THSD7B: variants seen among roughly 807,000 people sequenced by gnomAD.
The protein encoded by THSD7B is thrombospondin type-1 domain-containing protein 7B.
In THSD7B, 138 loss-of-function variants were observed where a neutral mutation model predicts 213.6. The observed-to-expected ratio is 0.65, with a 90% CI of 0.56 to 0.74. The LOEUF is 0.74. Ranked by LOEUF, THSD7B falls within the 30% of genes least tolerant of loss-of-function variation. THSD7B has a pLI of 0.00. For synonymous variants in THSD7B, 742 were observed against 687.0 expected (o/e 1.08, Z -1.25); for missense variants, 1,931 against 1,991.5 (o/e 0.97, Z 0.58).
intron 1 of THSD7B, among the ~76,000 whole-genome samples, chr2:136,835,529 A>G (rs2104950969): frequency 6.6e-6 from 1 of 152,326 alleles, no homozygotes; most frequent in East Asian, 1.9e-4. Flanking sequence ...CTTTTGCCTC[A>G]TGCATGTCAG....
chr2:137,158,240 C>T (rs879563706), intron 5 of THSD7B, among the ~76,000 whole-genome samples: 4 of 152,168 alleles, frequency 2.6e-5, no homozygotes, highest in Non-Finnish European at 5.9e-5. Context: ...ACCCCTTCCC[C>T]ATCTCTTGGG....
At chr2:137,381,948 G>A (rs1212573363) in intron 12 of THSD7B, among the ~76,000 whole-genome samples, 2 of 152,152 alleles carry the variant, frequency 1.3e-5, no homozygotes, top group Non-Finnish European at 2.9e-5. Flanking sequence ...TGAAATGAGC[G>A]ATCCACTGGT....
chr2:137,551,415 A>G (rs1680845988), intron 15 of THSD7B, among the ~76,000 whole-genome samples: 1 of 152,142 alleles, frequency 6.6e-6, no homozygotes, highest in African/African-American at 2.4e-5. Context: ...TCATTTGACA[A>G]GAGATGGCAC....
At chr2:136,776,737 A>C (rs1248747977) in intron 1 of THSD7B, among the ~76,000 whole-genome samples, 1 of 152,206 alleles carries the variant, frequency 6.6e-6, no homozygotes, top group African/African-American at 2.4e-5. Context: ...GAGAGGTTCA[A>C]AATAGTATGA....
chr2:137,256,776 C>A (rs1682320507), intron 10 of THSD7B, among the ~76,000 whole-genome samples: 1 of 152,102 alleles, frequency 6.6e-6, no homozygotes, highest in Non-Finnish European at 1.5e-5. Context: ...ATTCAATTAT[C>A]TGGGCAAGAA....
At chr2:137,213,017 G>A (rs1681151631) in intron 7 of THSD7B, among the ~76,000 whole-genome samples, 1 of 132,732 alleles carries the variant, frequency 7.5e-6, no homozygotes, top group South Asian at 2.6e-4. Context: ...TGCATAAGGT[G>A]ATATCTGTAT....
At chr2:137,579,536 G>GCACACA (rs1162131714) in intron 17 of THSD7B, among the ~76,000 whole-genome samples, 4 of 122,694 alleles carry the variant, frequency 3.3e-5, no homozygotes, top group African/African-American at 1.3e-4. Flanking sequence ...ACACGCGCGT[G>GCACACA]CGCACACACA....
chr2:137,164,172 G>A (rs988839383), intron 6 of THSD7B, among the ~76,000 whole-genome samples: 2 of 152,118 alleles, frequency 1.3e-5, no homozygotes, highest in African/African-American at 4.8e-5. Flanking sequence ...GGGAGGGCAG[G>A]AGGTTGTGCT....
intron 2 of THSD7B, among the ~76,000 whole-genome samples, chr2:137,049,358 C>CA (rs1186849660): frequency 1.3e-5 from 2 of 152,124 alleles, no homozygotes; most frequent in South Asian, 4.2e-4. Flanking sequence ...AATTAAATTG[C>CA]AATTGTTGTG....
At chr2:137,331,886 C>T (rs1353065650) in intron 12 of THSD7B, among the ~76,000 whole-genome samples, 1 of 152,126 alleles carries the variant, frequency 6.6e-6, no homozygotes, top group Non-Finnish European at 1.5e-5. Context: ...CCGGCGGGGC[C>T]GGCCGGCTGC....
intron 3 of THSD7B, among the ~76,000 whole-genome samples, chr2:137,083,832 T>C (rs1449667035): frequency 6.6e-6 from 1 of 152,146 alleles, no homozygotes; most frequent in African/African-American, 2.4e-5. Flanking sequence ...TGCTGCCATA[T>C]GGATAGCACT....
chr2:137,123,009 C>T (rs930617873), intron 5 of THSD7B, among the ~76,000 whole-genome samples: 3 of 152,120 alleles, frequency 2.0e-5, no homozygotes, highest in Non-Finnish European at 4.4e-5. Flanking sequence ...CTCATCTTCC[C>T]AGCACTGGGC....
At chr2:137,645,033 T>C (rs1258309106) in intron 21 of THSD7B, among the ~76,000 whole-genome samples, 1 of 152,134 alleles carries the variant, frequency 6.6e-6, no homozygotes. Context: ...GATTCTGGAG[T>C]CTAGCAGCCC....
intron 6 of THSD7B, among the ~76,000 whole-genome samples, chr2:137,161,493 C>T (rs1430946941): frequency 6.6e-6 from 1 of 152,152 alleles, no homozygotes; most frequent in Non-Finnish European, 1.5e-5. Context: ...TCCTAGAGTG[C>T]TCATATACAC....
chr2:137,058,112 A>T (rs564322405), intron 3 of THSD7B, among the ~76,000 whole-genome samples: 1 of 152,332 alleles, frequency 6.6e-6, no homozygotes, highest in Admixed American at 6.5e-5. Flanking sequence ...TCCACAGCTG[A>T]CCAGGAGATG....
intron 15 of THSD7B, among the ~76,000 whole-genome samples, chr2:137,501,390 C>T (rs544064888): frequency 6.6e-6 from 1 of 151,330 alleles, no homozygotes; most frequent in South Asian, 2.1e-4. Flanking sequence ...AATATTAGAG[C>T]CATTTCAATA....
At chr2:137,549,671 A>T (rs76064617) in intron 15 of THSD7B, among the ~76,000 whole-genome samples, 2,097 of 152,056 alleles carry the variant, frequency 0.014, 47 homozygotes, top group African/African-American at 0.046. Flanking sequence ...ATAACCATTG[A>T]TTAGGAACTC....
At chr2:136,873,031 A>T (rs1683464359) in intron 1 of THSD7B, among the ~76,000 whole-genome samples, 1 of 149,294 alleles carries the variant, frequency 6.7e-6, no homozygotes, top group South Asian at 2.1e-4. Flanking sequence ...TAAAAAAAAA[A>T]AAAAAAAAAA....
intron 2 of THSD7B, among the ~76,000 whole-genome samples, chr2:137,054,762 A>G (rs1296444786): frequency 6.7e-6 from 1 of 148,956 alleles, no homozygotes; most frequent in East Asian, 2.0e-4. Flanking sequence ...TTAAGCTGAT[A>G]AAACTTTTTT....
Sources: allele counts gnomAD v4.1 joint callset (sites outside exome capture counted in the v4.1 genomes callset), GRCh38; gene constraint gnomAD v4.1.1; transcripts MANE v1.5; gene names NCBI Gene and HGNC (gene_info 2026-07-23, HGNC 2026-07-21).